Variants in ACSM1 observed in about 807,000 individuals in gnomAD.
The protein encoded by ACSM1 is acyl-coenzyme A synthetase ACSM1, mitochondrial.
Under a neutral mutation model 75.8 loss-of-function variants are expected in ACSM1, and 79 were observed. The observed-to-expected ratio is 1.04, with a 90% confidence interval of 0.87 to 1.26. The LOEUF is 1.26. Ranked by LOEUF, ACSM1 falls within the 50% of genes most tolerant of loss-of-function variation. The pLI is 0.00. For missense variants in ACSM1, 676 were observed against 720.1 expected (o/e 0.94, Z 0.70); for synonymous variants, 279 against 265.8 (o/e 1.05, Z -0.48).
At chr16:20,688,223 TAGAC>T (rs1228539088) in intron 2 of ACSM1, among the ~76,000 whole-genome samples, 5 of 151,874 alleles carry the variant, frequency 3.3e-5, no homozygotes, top group African/African-American at 4.8e-5. Flanking sequence ...TCCATAAACA[TAGAC>T]AGGTCATTTA....
chr16:20,647,274 A>G (rs961707352), intron 7 of ACSM1, among the ~76,000 whole-genome samples: 2 of 152,208 alleles, frequency 1.3e-5, no homozygotes, highest in African/African-American at 4.8e-5. Flanking sequence ...AAAACCTTGG[A>G]CCGGGTTCGC....
At chr16:20,627,877 T>TACATAC (rs2017070175) in intron 10 of ACSM1, among the ~76,000 whole-genome samples, 1 of 9,306 alleles carries the variant, frequency 1.1e-4, no homozygotes, top group African/African-American at 2.2e-4. Flanking sequence ...TACATATATA[T>TACATAC]ATATATATAT....
In ACSM1 at chr16:20,636,841, C is replaced by T; in HGVS notation, c.1198-1G>A. The stretch of plus-strand genomic sequence containing the variant: ...GGATGCTGCCCTTGTCATCAATGAC[C>T]TGTAGCAAGAGGCCTGTGAATCATA... On this transcript the variant is annotated splice_acceptor_variant, in intron 9 of 13. Transcript: ENST00000520010. LOFTEE classifies it high-confidence loss of function. 6.2e-7 allele frequency: 1 copy of T among 1,612,926 alleles called. No individual in the cohort carries two copies. Among genetic ancestry groups the T allele is most frequent in the Non-Finnish European group, 8.5e-7 (1 of 1,179,306 alleles).
rs139826488 is a variant in ACSM1 at position 20,647,875 on chromosome 16, T to C, written c.993-7291A>G. Among the ~76,000 whole-genome samples the C allele has an allele frequency of 1.2e-3, 189 of 152,248 alleles. 3 individuals carry two copies. Among genetic ancestry groups the C allele is most frequent in the East Asian group, 0.01 (53 of 5,172 alleles). ...GTCTCCTAGATCCATTGTATTCCCATTATCACAAGTAGCAGAACACGTTCC... is the reference window on the plus strand; with the variant it reads ...GTCTCCTAGATCCATTGTATTCCCACTATCACAAGTAGCAGAACACGTTCC... On this transcript the variant is annotated intron_variant, in intron 7 of 13. Transcript: ENST00000520010.
intron 10 of ACSM1, 63 bp downstream of exon 10, chr16:20,636,676 A>T: frequency 1.7e-6 from 2 of 1,193,292 alleles, no homozygotes; most frequent in Middle Eastern, 2.0e-4. Flanking sequence ...AAGAAGCCTC[A>T]GGATGCAGAG....
intron 10 of ACSM1, among the ~76,000 whole-genome samples, chr16:20,633,298 A>G (rs1567248746): frequency 6.6e-6 from 1 of 152,232 alleles, no homozygotes; most frequent in Admixed American, 6.5e-5. Flanking sequence ...TGTTAAAGCT[A>G]ATACATAAAT....
intron 3 of ACSM1, among the ~76,000 whole-genome samples, chr16:20,684,228 G>A (rs1316795760): frequency 6.6e-6 from 1 of 152,044 alleles, no homozygotes; most frequent in Non-Finnish European, 1.5e-5. Context: ...AAACCAACAT[G>A]GTAATATTCA....
chr16:20,658,775 G>T (rs556550474), intron 7 of ACSM1, among the ~76,000 whole-genome samples: 1 of 152,164 alleles, frequency 6.6e-6, no homozygotes, highest in Non-Finnish European at 1.5e-5. Flanking sequence ...CCCTCCTCAG[G>T]ATGCTATACC....
intron 4 of ACSM1, among the ~76,000 whole-genome samples, chr16:20,672,473 T>TAAAAAAAAAAAAAAAAAAAAAAAAAA (rs2019990642): frequency 1.7e-5 from 1 of 59,298 alleles, no homozygotes; most frequent in Non-Finnish European, 2.8e-5. Context: ...AAAAAAAAAA[T>TAAAAAAAAAAAAAAAAAAAAAAAAAA]ATATATATAT....
At chr16:20,661,655 T>A (rs953122220) in intron 7 of ACSM1, 139 bp downstream of exon 7, 1 of 536,644 alleles carries the variant, frequency 1.9e-6, no homozygotes, top group Non-Finnish European at 3.2e-6. Context: ...CTAATTAACT[T>A]TTGATCATCA....
At chr16:20,646,588 T>C (rs972885749) in intron 7 of ACSM1, among the ~76,000 whole-genome samples, 2 of 152,186 alleles carry the variant, frequency 1.3e-5, no homozygotes, top group Non-Finnish European at 2.9e-5. Flanking sequence ...TAGATACTTC[T>C]CCCAGCCACT....
At chr16:20,657,329 A>T (rs1358868731) in intron 7 of ACSM1, among the ~76,000 whole-genome samples, 1 of 151,650 alleles carries the variant, frequency 6.6e-6, no homozygotes. Flanking sequence ...TTTTTTTCAC[A>T]CAGAGTCTCT....
chr16:20,677,240 A>G (rs527652108), intron 4 of ACSM1, among the ~76,000 whole-genome samples: 50 of 151,882 alleles, frequency 3.3e-4, no homozygotes, highest in African/African-American at 1.2e-3. Flanking sequence ...AAAAAAAAAA[A>G]AGCCTTGACT....
intron 6 of ACSM1, among the ~76,000 whole-genome samples, chr16:20,664,658 T>C (rs1048261253): frequency 6.6e-6 from 1 of 152,210 alleles, no homozygotes; most frequent in Non-Finnish European, 1.5e-5. Context: ...TTGGACCTAA[T>C]AGACATCCAC....
At chr16:20,670,326 G>A (rs2019825222) in intron 5 of ACSM1, among the ~76,000 whole-genome samples, 1 of 152,124 alleles carries the variant, frequency 6.6e-6, no homozygotes, top group Non-Finnish European at 1.5e-5. Context: ...TTAACCAGCA[G>A]ATCTGGTCCA....
chr16:20,637,271 A>G (rs1277323323), intron 9 of ACSM1, 100 bp downstream of exon 9: 1 of 887,828 alleles, frequency 1.1e-6, no homozygotes, highest in Admixed American at 1.8e-5. Context: ...AGGAAGGATG[A>G]CTGGAGCAGG....
intron 7 of ACSM1, among the ~76,000 whole-genome samples, chr16:20,658,815 T>G (rs1490076689): frequency 6.6e-6 from 1 of 152,220 alleles, no homozygotes; most frequent in African/African-American, 2.4e-5. Context: ...GAAAAGAGAT[T>G]AAATTTATTA....
intron 7 of ACSM1, among the ~76,000 whole-genome samples, chr16:20,652,363 A>G (rs2018691703): frequency 6.6e-6 from 1 of 152,110 alleles, no homozygotes; most frequent in South Asian, 2.1e-4. Context: ...TTTAAGGGTT[A>G]TATATGAAAC....
chr16:20,652,165 T>G (rs940880843), intron 7 of ACSM1, among the ~76,000 whole-genome samples: 2 of 152,152 alleles, frequency 1.3e-5, no homozygotes, highest in Non-Finnish European at 2.9e-5. Flanking sequence ...ATCAATTTTT[T>G]GCAAATAACC....
Sources: allele counts gnomAD v4.1 joint callset (sites outside exome capture counted in the v4.1 genomes callset), GRCh38; gene constraint gnomAD v4.1.1; transcripts MANE v1.5; gene names NCBI Gene and HGNC (gene_info 2026-07-23, HGNC 2026-07-21).